DAPK1: variants seen among roughly 807,000 people sequenced by gnomAD.
DAPK1 encodes the protein death-associated protein kinase 1.
DAPK1 carries 56 observed loss-of-function variants against 144.9 expected under a neutral mutation model. The ratio of observed to expected loss-of-function variants is 0.39; its 90% CI spans 0.31 to 0.48. DAPK1 has a LOEUF of 0.48. DAPK1 is among the 20% of genes least tolerant of loss of function. The pLI is 0.95. For missense variants in DAPK1, 1,454 were observed against 1,875.4 expected (o/e 0.78, Z 4.15); for synonymous variants, 690 against 749.0 (o/e 0.92, Z 1.29).
chr9:87,649,247 T>G (rs1312084378), intron 15 of DAPK1, among the ~76,000 whole-genome samples: 1 of 152,128 alleles, frequency 6.6e-6, no homozygotes, highest in African/African-American at 2.4e-5. Context: ...ACACACACAG[T>G]CTGGTTTCAG....
chr9:87,620,873 G>A (rs532116073), intron 3 of DAPK1, among the ~76,000 whole-genome samples: 1 of 152,306 alleles, frequency 6.6e-6, no homozygotes, highest in African/African-American at 2.4e-5. Context: ...CTGAAGAGAT[G>A]CCTGGAGGCC....
chr9:87,707,545 G>T lies in DAPK1; in HGVS notation c.*181G>T, dbSNP rs916839926. ...GCTACCTCCCTCCCCGTCTCATTCCGTTGTCTGTGGATGGTCATTGCAGTT... is the reference window on the plus strand; with the variant it reads ...GCTACCTCCCTCCCCGTCTCATTCCTTTGTCTGTGGATGGTCATTGCAGTT... On this transcript the variant is annotated 3_prime_UTR_variant, in exon 26 of 26. Transcript: ENST00000408954. The surrounding 1 kb of genome is among the most constrained non-coding windows in gnomAD (Gnocchi z 4.0). 3.7e-5 allele frequency: 22 copies of T among 595,494 alleles called. No homozygotes were observed. The South Asian group carries it at 4.3e-4, about 12-fold the overall frequency. 36.9% of individuals were successfully genotyped at this position (595,494 alleles called of 1,614,324 possible). A position where few individuals can be genotyped will look rare whatever the true frequency, so the allele number is the denominator to read the frequency against.
chr9:87,552,108 G>A (rs891097519), intron 2 of DAPK1, among the ~76,000 whole-genome samples: 1 of 152,104 alleles, frequency 6.6e-6, no homozygotes, highest in Non-Finnish European at 1.5e-5. Context: ...ATGAGACTGT[G>A]CCTCTCAGCC....
At chr9:87,704,664 A>G (rs1360535721) in intron 25 of DAPK1, among the ~76,000 whole-genome samples, 1 of 152,206 alleles carries the variant, frequency 6.6e-6, no homozygotes, top group East Asian at 1.9e-4. Flanking sequence ...AGTGTTTAGG[A>G]CCAAACTGCA....
At chr9:87,647,695 G>A (rs1048229598) in intron 14 of DAPK1, among the ~76,000 whole-genome samples, 19 of 152,116 alleles carry the variant, frequency 1.2e-4, no homozygotes, top group African/African-American at 4.1e-4. Flanking sequence ...GAGAGACCTC[G>A]GTCTCGATTC....
At chr9:87,562,425 T>A (rs1826963444) in intron 2 of DAPK1, among the ~76,000 whole-genome samples, 1 of 152,178 alleles carries the variant, frequency 6.6e-6, no homozygotes, top group Non-Finnish European at 1.5e-5. Flanking sequence ...CTTGAGGCTT[T>A]CGTCGGGAAC....
chr9:87,644,875 CT>C (rs1276735384), intron 11 of DAPK1, among the ~76,000 whole-genome samples: 1 of 152,184 alleles, frequency 6.6e-6, no homozygotes, highest in East Asian at 1.9e-4. Context: ...TTTATTCCTT[CT>C]GTTTTCCCCA....
At chr9:87,550,556 T>C (rs1439974117) in intron 2 of DAPK1, among the ~76,000 whole-genome samples, 1 of 152,240 alleles carries the variant, frequency 6.6e-6, no homozygotes, top group East Asian at 1.9e-4. Context: ...GGACCTATGG[T>C]CCTCCTAAGG....
intron 2 of DAPK1, among the ~76,000 whole-genome samples, chr9:87,565,312 G>A (rs1026063431): frequency 1.3e-5 from 2 of 152,184 alleles, no homozygotes; most frequent in Admixed American, 1.3e-4. Context: ...TCTCTGAGGG[G>A]TTGAAGCAAA....
At position 87,515,274 on chromosome 9, in the gene DAPK1, T is replaced by C. The variant is rs11141858; in HGVS notation, c.62+16135T>C. On this transcript the variant is annotated intron_variant, in intron 2 of 25. Transcript: ENST00000408954. ...CTCAAAAGCAGCCACAGACATTATG[T>C]GTCCAAAAGGGTGTGGCTGTGTTCT... 8.0e-3 allele frequency among the ~76,000 whole-genome samples: 1,223 copies of C among 152,314 alleles called. 29 individuals are homozygous for C. The East Asian group carries it at 0.087, about 11-fold the overall frequency.
intron 18 of DAPK1, among the ~76,000 whole-genome samples, chr9:87,665,036 T>G (rs2119255392): frequency 6.6e-6 from 1 of 152,294 alleles, no homozygotes; most frequent in Admixed American, 6.5e-5. Flanking sequence ...CTTCTGCAGG[T>G]TTTGACTCGA....
intron 2 of DAPK1, among the ~76,000 whole-genome samples, chr9:87,546,908 G>A (rs1397920094): frequency 6.6e-6 from 1 of 152,188 alleles, no homozygotes; most frequent in Non-Finnish European, 1.5e-5. Flanking sequence ...TGTAGTCCCA[G>A]CACTTTGGGA....
chr9:87,588,021 A>G (rs759002776), intron 2 of DAPK1, among the ~76,000 whole-genome samples: 6 of 152,264 alleles, frequency 3.9e-5, no homozygotes, highest in Admixed American at 1.3e-4. Flanking sequence ...TATGGTTAAT[A>G]CGTTGTTTGT....
chr9:87,638,328 A>G (rs532514279), intron 4 of DAPK1, among the ~76,000 whole-genome samples: 65 of 152,366 alleles, frequency 4.3e-4, no homozygotes, highest in African/African-American at 1.5e-3. Context: ...AAAGAATACA[A>G]GGGGTCTTAG....
At chr9:87,499,242 G>A in intron 2 of DAPK1, 103 bp downstream of exon 2, 1 of 1,039,756 alleles carries the variant, frequency 9.6e-7, no homozygotes, top group South Asian at 1.3e-5. Context: ...CGTCTCCCTC[G>A]CCCTTTCTGG....
At chr9:87,655,977 C>T (rs922408939) in intron 17 of DAPK1, among the ~76,000 whole-genome samples, 2 of 152,234 alleles carry the variant, frequency 1.3e-5, no homozygotes, top group African/African-American at 4.8e-5. Context: ...TGGCTTTGCC[C>T]TCAGGCTACT....
chr9:87,510,534 G>T (rs993916484), intron 2 of DAPK1, among the ~76,000 whole-genome samples: 1 of 152,206 alleles, frequency 6.6e-6, no homozygotes, highest in Non-Finnish European at 1.5e-5. Flanking sequence ...ATTCCTTCAC[G>T]ATTTGGAGTA....
intron 2 of DAPK1, chr9:87,525,334 G>A (rs1050116974): frequency 8.6e-5 from 138 of 1,610,612 alleles, no homozygotes; most frequent in Non-Finnish European, 1.1e-4. Context: ...GGAGCCACCC[G>A]CGAAAATTCG....
intron 21 of DAPK1, among the ~76,000 whole-genome samples, chr9:87,690,304 A>G (rs916240431): frequency 6.6e-6 from 1 of 151,896 alleles, no homozygotes; most frequent in African/African-American, 2.4e-5. Flanking sequence ...TTTCTCAGCT[A>G]GTTCATTTTT....
Sources: allele counts gnomAD v4.1 joint callset (sites outside exome capture counted in the v4.1 genomes callset), GRCh38; gene constraint gnomAD v4.1.1; non-coding constraint Gnocchi (gnomAD v3.1); transcripts MANE v1.5; gene names NCBI Gene and HGNC (gene_info 2026-07-23, HGNC 2026-07-21).